Variants in PAXBP1 observed in about 807,000 individuals in gnomAD.
PAXBP1 encodes PAX3 and PAX7 binding protein 1.
A neutral mutation model predicts 119.9 loss-of-function variants in PAXBP1; 44 were observed. The ratio of observed to expected loss-of-function variants is 0.37; its 90% CI spans 0.29 to 0.47. The LOEUF (loss-of-function observed/expected upper bound fraction) is 0.47. PAXBP1 is among the 20% of genes least tolerant of loss of function. PAXBP1 has a pLI of 0.99. For missense variants in PAXBP1, 898 were observed against 1,134.1 expected, an observed-to-expected ratio of 0.79 and a Z score of 2.99; for synonymous variants, 393 against 406.6, an observed-to-expected ratio of 0.97 and a Z score of 0.40.
intron 6 of PAXBP1, chr21:32,759,560 G>A: frequency 1.6e-6 from 1 of 609,450 alleles, no homozygotes; most frequent in Non-Finnish European, 2.8e-6. Context: ...TCTTCAACAA[G>A]ATCATGGAGT....
At chr21:32,751,937 A>T (rs1569160407) in intron 8 of PAXBP1, 1 of 152,156 alleles carries the variant, frequency 6.6e-6, no homozygotes, top group South Asian at 2.1e-4. Context: ...TTTTCAAGAG[A>T]TAGTTCTTGT....
rs1359416739 is a variant in PAXBP1, at chr21:32,771,673, G to A, written c.-5C>T. On this transcript the variant is annotated 5_prime_UTR_variant, in exon 1 of 18. Transcript: ENST00000331923. ...CCGCCGGGCCTTTCGGAACATCCCC[G>A]CGGCCCGCACGGCGGTCGAATACTC... 2 of 1,403,550 alleles carry A rather than the reference G, an allele frequency of 1.4e-6. No individual in the cohort carries two copies. The highest frequency in any genetic ancestry group is 3.0e-5 in the East Asian group (1 of 32,990). The allele number at this position is 1,403,550 out of a possible 1,614,324, so 86.9% of individuals were successfully genotyped here. A position where few individuals can be genotyped will look rare whatever the true frequency, so the allele number is the denominator to read the frequency against.
rs760175703 is a variant in PAXBP1, at chr21:32,748,541, G to A, written c.1881C>T (p.Asn627=). ...YIGLCLPKLF[N]PLIRLQLLTW... ...TGAGGAGCTGAAGTCGTATGAGGGGGTTGAATAATTTTGGCAAACAAAGGC... is the reference window on the plus strand; with the variant it reads ...TGAGGAGCTGAAGTCGTATGAGGGGATTGAATAATTTTGGCAAACAAAGGC... Residue 627 remains asparagine (N), a synonymous_variant, in exon 11 of 18, where the codon AAC becomes AAT. Coordinates refer to ENST00000331923, the MANE Select transcript of PAXBP1 (RefSeq NM_016631.4). 1.9e-6 allele frequency: 3 copies of A among 1,614,012 alleles called. No individual in the cohort carries two copies. Among genetic ancestry groups the A allele is most frequent in the Non-Finnish European group, 1.7e-6 (2 of 1,179,932 alleles).
At chr21:32,752,823 G>A (rs1265572037) in intron 8 of PAXBP1, among the ~76,000 whole-genome samples, 5 of 152,036 alleles carry the variant, frequency 3.3e-5, no homozygotes, top group African/African-American at 7.2e-5. Flanking sequence ...TTTTAGAGAC[G>A]GGGTTTTGCC....
At position 32,771,487 on chromosome 21, in the gene PAXBP1, G is replaced by A; in HGVS notation, c.182C>T (p.Pro61Leu). 4 of 1,294,944 alleles carry A rather than the reference G, an allele frequency of 3.1e-6. No homozygotes were observed. The highest frequency in any genetic ancestry group is 3.9e-6 in the Non-Finnish European group (4 of 1,026,712). 80.2% of individuals were successfully genotyped at this position (1,294,944 alleles called of 1,614,324 possible). ...PGGESLLGPG[P>L]SPPSALTPGL... Reference sequence around the variant, plus strand: ...CGGGGTCAGCGCGGAAGGCGGCGACGGCCCCGGGCCCAGCAGCGACTCCCC... The same window carrying A: ...CGGGGTCAGCGCGGAAGGCGGCGACAGCCCCGGGCCCAGCAGCGACTCCCC... The change falls in exon 1 of 18, where the codon CCG becomes CTG. Residue 61 changes from proline (P) to leucine (L), a missense_variant. Transcript: ENST00000331923.
At position 32,756,785 on chromosome 21, in the gene PAXBP1, T is replaced by C. The variant is rs548929558; in HGVS notation, c.1384-1432A>G. On this transcript the variant is annotated intron_variant, in intron 7 of 17. Transcript: ENST00000331923. ...GAACTACCCACCTAAGCTGGCATCA[T>C]ACAGAATATAATTTTGCAACATATA... The C allele has an allele frequency of 4.3e-4, 69 of 162,022 alleles. 1 individual carries two copies. Among genetic ancestry groups the C allele is most frequent in the Non-Finnish European group, 7.2e-4 (54 of 74,728 alleles). The allele number at this position is 162,022 out of a possible 1,614,324, so 10.0% of individuals were successfully genotyped here.
At position 32,734,291 on chromosome 21, in the gene PAXBP1, T is replaced by G. The variant is rs974605209; in HGVS notation, c.*659A>C. ...GTTTATTATTTTCAAAAGTGAAATT[T>G]CTATGTTCCATTTGAAACTATGTTG... On this transcript the variant is annotated 3_prime_UTR_variant, in exon 18 of 18. Coordinates refer to ENST00000331923, the MANE Select transcript of PAXBP1 (RefSeq NM_016631.4). 5.9e-5 allele frequency: 9 copies of G among 152,736 alleles called. No homozygotes were observed. Among genetic ancestry groups the G allele is most frequent in the African/African-American group, 2.2e-4 (9 of 41,464 alleles). The allele number at this position is 152,736 out of a possible 1,614,324, so 9.5% of individuals were successfully genotyped here. A position where few individuals can be genotyped will look rare whatever the true frequency, so the allele number is the denominator to read the frequency against.
At chr21:32,761,960 G>A in intron 4 of PAXBP1, 136 bp downstream of exon 4, 1 of 849,516 alleles carries the variant, frequency 1.2e-6, no homozygotes. Flanking sequence ...GACTGTTTGA[G>A]TCCACGAGTC....
chr21:32,737,470 C>G (rs1215291364), intron 16 of PAXBP1, 62 bp from the exon 17 acceptor site: 2 of 1,428,610 alleles, frequency 1.4e-6, no homozygotes, highest in East Asian at 2.4e-5. Context: ...GTATTAAAAG[C>G]AAAGTCTAGT....
At chr21:32,746,552 A>G (rs1182566073) in intron 11 of PAXBP1, among the ~76,000 whole-genome samples, 1 of 152,228 alleles carries the variant, frequency 6.6e-6, no homozygotes, top group Non-Finnish European at 1.5e-5. Flanking sequence ...CCACAATGAG[A>G]TACCATCCCA....
chr21:32,764,957 A>T (rs892017357), intron 2 of PAXBP1, among the ~76,000 whole-genome samples: 1 of 152,254 alleles, frequency 6.6e-6, no homozygotes, highest in Non-Finnish European at 1.5e-5. Flanking sequence ...CAACTCTGTT[A>T]TGAACAAAGC....
rs1442618740 is a variant in PAXBP1, at chr21:32,737,273, C to T, written c.2617G>A (p.Val873Met). ...IYRNSIGCSD[V>M]EKRNARENIK... The stretch of plus-strand genomic sequence containing the variant: ...AATTACCTTGCATTTCTTTTTTCCA[C>T]ATCAGAACACCCGATACTATTTCTA... The change falls in exon 17 of 18, where the codon GTG (valine) becomes ATG (methionine). Residue 873 changes from valine (V) to methionine (M), a missense_variant. Val to Met is a conservative substitution (Grantham distance 21). Transcript: ENST00000331923. The T allele has an allele frequency of 1.3e-6, 2 of 1,542,496 alleles. No homozygotes were observed. The highest frequency in any genetic ancestry group is 2.3e-5 in the East Asian group (1 of 43,004).
chr21:32,748,440 A>G lies in PAXBP1; in HGVS notation c.1923+59T>C, dbSNP rs773652803. The G allele has an allele frequency of 2.5e-4, 373 of 1,520,992 alleles. 1 individual carries two copies. The highest frequency in any genetic ancestry group is 1.0e-4 in the Admixed American group (5 of 49,728). The allele number at this position is 1,520,992 out of a possible 1,614,324, so 94.2% of individuals were successfully genotyped here. On this transcript the variant is annotated intron_variant, in intron 11 of 17. Transcript: ENST00000331923. ...TTAAGCTTACATCTCTAGCTTTGAG[A>G]TTAAAATTACCCAGATATCAAATTA... is the stretch of plus-strand genomic sequence containing the variant.
intron 11 of PAXBP1, among the ~76,000 whole-genome samples, chr21:32,746,412 G>GA (rs2043872685): frequency 6.6e-6 from 1 of 151,348 alleles, no homozygotes; most frequent in Admixed American, 6.6e-5. Flanking sequence ...AACTTTATAG[G>GA]AAAAAAACAA....
intron 15 of PAXBP1, among the ~76,000 whole-genome samples, chr21:32,740,954 A>G (rs943133826): frequency 6.6e-6 from 1 of 152,220 alleles, no homozygotes; most frequent in African/African-American, 2.4e-5. Context: ...TACATAAACA[A>G]ATTCCAAATA....
Position 32,755,330 on chromosome 21 carries a change from T to G in PAXBP1, c.1407A>C (p.Glu469Asp), listed in dbSNP as rs771419335. ...GTTTGTACAGCTGATGTATTGCTGA[T>G]TCAAGTTCATTAATCAGTGGCACCT... ...SEKVPLINEL[E>D]SAIHQLYKQR... Residue 469 changes from glutamate (E) to aspartate (D), a missense_variant, in exon 8 of 18, where the codon GAA becomes GAC. By Grantham distance (45) the Glu-to-Asp change is conservative (BLOSUM62 2). Transcript: ENST00000331923. 6.2e-7 allele frequency: 1 copy of G among 1,612,820 alleles called. No individual in the cohort carries two copies. Among genetic ancestry groups the G allele is most frequent in the Non-Finnish European group, 8.5e-7 (1 of 1,179,464 alleles).
In PAXBP1 at chr21:32,762,437, A is replaced by T. The variant is rs1193424115; in HGVS notation, c.650-120T>A. Reference sequence around the variant, plus strand: ...TCACAGTGATGTTTCAGCTGCTGGCACCTCCTTCCCATACTATGTCTGCAA... The same window carrying T: ...TCACAGTGATGTTTCAGCTGCTGGCTCCTCCTTCCCATACTATGTCTGCAA... On this transcript the variant is annotated intron_variant, in intron 3 of 17. Coordinates refer to ENST00000331923, the MANE Select transcript of PAXBP1 (RefSeq NM_016631.4). The T allele has an allele frequency of 1.1e-5, 14 of 1,323,792 alleles. No individual in the cohort carries two copies. The Admixed American group carries it at 3.8e-4, about 36-fold the overall frequency. The allele number at this position is 1,323,792 out of a possible 1,614,324, so 82.0% of individuals were successfully genotyped here. A position where few individuals can be genotyped will look rare whatever the true frequency, so the allele number is the denominator to read the frequency against.
rs1307969472 is a variant in PAXBP1, at chr21:32,734,090, CCTGGG to C, written c.*855_*859del. The C allele has an allele frequency of 1.2e-4, 18 of 152,490 alleles. No individual in the cohort carries two copies. The highest frequency in any genetic ancestry group is 4.3e-4 in the African/African-American group (18 of 41,390). The allele number at this position is 152,490 out of a possible 1,614,324, so 9.4% of individuals were successfully genotyped here. A position where few individuals can be genotyped will look rare whatever the true frequency, so the allele number is the denominator to read the frequency against. On this transcript the variant is annotated 3_prime_UTR_variant, in exon 18 of 18. Transcript: ENST00000331923. Reference sequence around the variant, plus strand: ...ATAGAAGACCATGGATATTAAATTGCCTGGGTGTGGCTAATCAGCAAGGCGTATTC... The same window carrying C: ...ATAGAAGACCATGGATATTAAATTGCTGTGGCTAATCAGCAAGGCGTATTC...
chr21:32,756,464 A>G (rs2044044291), intron 7 of PAXBP1: 1 of 484,328 alleles, frequency 2.1e-6, no homozygotes, highest in Non-Finnish European at 4.1e-6. Context: ...CAAAAGTAGC[A>G]AATGTTCACA....
Sources: allele counts gnomAD v4.1 joint callset (sites outside exome capture counted in the v4.1 genomes callset), GRCh38; gene constraint gnomAD v4.1.1; transcripts MANE v1.5; gene names NCBI Gene and HGNC (gene_info 2026-07-23, HGNC 2026-07-21).